The following PCSK1 variants were observed in gnomAD, a reference collection of about 807,000 sequenced individuals.
PCSK1 encodes the protein neuroendocrine convertase 1.
In PCSK1, 56 loss-of-function variants were observed where a neutral mutation model predicts 90.6. The observed-to-expected ratio is 0.62, with a 90% CI of 0.50 to 0.77. PCSK1 has a LOEUF of 0.77. Among genes scored for constraint, PCSK1 ranks in the 30% least tolerant of loss-of-function variants. The pLI, the probability that PCSK1 is intolerant of heterozygous loss-of-function variation, is 0.00. For synonymous variants in PCSK1, 348 were observed against 342.4 expected, an observed-to-expected ratio of 1.02 and a Z score of -0.18; for missense variants, 801 against 932.6, an observed-to-expected ratio of 0.86 and a Z score of 1.84.
chr5:96,399,863 T>A, intron 10 of PCSK1, 90 bp downstream of exon 10: 1 of 969,864 alleles, frequency 1.0e-6, no homozygotes, highest in Non-Finnish European at 1.6e-6. Flanking sequence ...TTCAGAAGGG[T>A]AGATACAAAA....
intron 5 of PCSK1, among the ~76,000 whole-genome samples, chr5:96,419,576 A>T (rs1761055590): frequency 6.6e-6 from 1 of 151,572 alleles, no homozygotes; most frequent in Admixed American, 6.6e-5. Context: ...TAAGTGGCAG[A>T]TCTAAAATTT....
At chr5:96,419,724 G>A (rs1047999827) in intron 5 of PCSK1, among the ~76,000 whole-genome samples, 6 of 151,838 alleles carry the variant, frequency 4.0e-5, no homozygotes. Context: ...CATTATATGG[G>A]CTGCTTCCCT....
Position 96,408,310 on chromosome 5 carries a change from A to T in PCSK1, c.1109T>A (p.Leu370Gln). ...YTDQRITSAD[L>Q]HNDCTETHTG... is the part of the protein sequence containing the mutation. ...GTGCGTCTCCGTGCAGTCATTGTGC[A>T]GGTCAGCGCTCGTCTGGATGACGTC... is the stretch of plus-strand genomic sequence containing the variant. Residue 370 changes from leucine (L) to glutamine (Q), a missense_variant, in exon 9 of 14, where the codon CTG becomes CAG. Transcript: ENST00000311106. 1 of 1,613,784 alleles carries T rather than the reference A, an allele frequency of 6.2e-7. No homozygotes were observed. Among genetic ancestry groups the T allele is most frequent in the Non-Finnish European group, 8.5e-7 (1 of 1,179,740 alleles).
At chr5:96,404,453 G>A (rs1175676668) in intron 9 of PCSK1, among the ~76,000 whole-genome samples, 1 of 152,174 alleles carries the variant, frequency 6.6e-6, no homozygotes, top group Non-Finnish European at 1.5e-5. Context: ...GGGAAGGAAA[G>A]TATTTCTTTG....
rs1011379880 is a variant in PCSK1 at position 96,390,335 on chromosome 5, T to C, written c.*2666A>G. ...CACAATAAAAGAGGGAGATCTTGTT[T>C]GTGGTGGAAACATGAGCTTTTTTTC... On this transcript the variant is annotated 3_prime_UTR_variant, in exon 14 of 14. Coordinates refer to ENST00000311106, the MANE Select transcript of PCSK1 (RefSeq NM_000439.5). 2 of 152,210 alleles carry C rather than the reference T, an allele frequency of 1.3e-5. No individual in the cohort carries two copies. Among genetic ancestry groups the C allele is most frequent in the Non-Finnish European group, 2.9e-5 (2 of 68,034 alleles). The allele number at this position is 152,210 out of a possible 1,614,324, so 9.4% of individuals were successfully genotyped here. A position where few individuals can be genotyped will look rare whatever the true frequency, so the allele number is the denominator to read the frequency against.
At chr5:96,405,384 A>G (rs1280978609) in intron 9 of PCSK1, among the ~76,000 whole-genome samples, 1 of 152,206 alleles carries the variant, frequency 6.6e-6, no homozygotes, top group African/African-American at 2.4e-5. Flanking sequence ...AAAGAGATTC[A>G]TGGACCCCTT....
chr5:96,432,581 C>T (rs1251929803), intron 1 of PCSK1, among the ~76,000 whole-genome samples: 2 of 152,196 alleles, frequency 1.3e-5, no homozygotes, highest in South Asian at 4.1e-4. Flanking sequence ...TCTTCCAAAC[C>T]GCGCGGGAAC....
At position 96,393,024 on chromosome 5, in the gene PCSK1, C is replaced by A; in HGVS notation, c.2239G>T (p.Asp747Tyr). The change falls in exon 14 of 14, where the codon GAC (aspartate) becomes TAC (tyrosine). Residue 747 changes from aspartate (D) to tyrosine (Y), a missense_variant. Coordinates refer to ENST00000311106, the MANE Select transcript of PCSK1 (RefSeq NM_000439.5). ...RDDRLLQALV[D>Y]ILNEEN ...TTTTAATTTTCCTCATTCAGAATGTCCACCAGAGCTTGAAGCAGCCGGTCG... is the reference window on the plus strand; with the variant it reads ...TTTTAATTTTCCTCATTCAGAATGTACACCAGAGCTTGAAGCAGCCGGTCG... 1.9e-6 allele frequency: 3 copies of A among 1,614,108 alleles called. No individual in the cohort carries two copies. Among genetic ancestry groups the A allele is most frequent in the Non-Finnish European group, 2.5e-6 (3 of 1,179,996 alleles).
chr5:96,415,988 C>T (rs1183746361), intron 6 of PCSK1, 45 bp downstream of exon 6: 4 of 1,201,226 alleles, frequency 3.3e-6, no homozygotes, highest in Non-Finnish European at 5.0e-6. Context: ...GTGATGTAAG[C>T]TTCACATTAA....
chr5:96,426,794 A>G (rs1172450545), intron 2 of PCSK1, among the ~76,000 whole-genome samples: 3 of 152,212 alleles, frequency 2.0e-5, no homozygotes, highest in African/African-American at 7.2e-5. Flanking sequence ...GAGAGTACTC[A>G]TGAATCAGCT....
intron 1 of PCSK1, among the ~76,000 whole-genome samples, chr5:96,429,886 A>T (rs1349320838): frequency 3.3e-5 from 5 of 152,178 alleles, no homozygotes; most frequent in Non-Finnish European, 5.9e-5. Context: ...TTTTACACAC[A>T]TTGGAGGAAA....
Position 96,408,390 on chromosome 5 carries a change from G to T in PCSK1, c.1096-67C>A, listed in dbSNP as rs1032118284. On this transcript the variant is annotated intron_variant, in intron 8 of 13. Transcript: ENST00000311106. Reference sequence around the variant, plus strand: ...TGAGGAGTGTGGGCCTGTCTTGGGGGTTAACTGTACCAAAGGCTGCATCTG... The same window carrying T: ...TGAGGAGTGTGGGCCTGTCTTGGGGTTTAACTGTACCAAAGGCTGCATCTG... 67 of 1,126,998 alleles carry T rather than the reference G, an allele frequency of 5.9e-5. 1 individual carries two copies. The highest frequency in any genetic ancestry group is 5.3e-6 in the Non-Finnish European group (4 of 748,910). The allele number at this position is 1,126,998 out of a possible 1,614,324, so 69.8% of individuals were successfully genotyped here.
Position 96,392,903 on chromosome 5 carries a change from C to T in PCSK1, c.*98G>A, listed in dbSNP as rs1460670800. 6.7e-6 allele frequency: 8 copies of T among 1,185,360 alleles called. No homozygotes were observed. The East Asian group carries it at 1.6e-4, about 24-fold the overall frequency. The allele number at this position is 1,185,360 out of a possible 1,614,324, so 73.4% of individuals were successfully genotyped here. A position where few individuals can be genotyped will look rare whatever the true frequency, so the allele number is the denominator to read the frequency against. ...AAGGTGCCACAAAGGATATTATAAG[C>T]ATAAGAATTCATGACAAAACAACCA... On this transcript the variant is annotated 3_prime_UTR_variant, in exon 14 of 14. Transcript: ENST00000311106.
chr5:96,424,685 C>G (rs562862839), intron 3 of PCSK1, among the ~76,000 whole-genome samples: 1 of 152,068 alleles, frequency 6.6e-6, no homozygotes, highest in Non-Finnish European at 1.5e-5. Flanking sequence ...GCAAGAGGCC[C>G]GGTGCGGTGG....
At chr5:96,414,137 T>TAA (rs564573961) in intron 6 of PCSK1, among the ~76,000 whole-genome samples, 23 of 124,728 alleles carry the variant, frequency 1.8e-4, no homozygotes, top group Non-Finnish European at 2.7e-4. Flanking sequence ...AGACTCTGTC[T>TAA]AAAAAAAAAA....
chr5:96,425,048 GAAA>G (rs1761257585), intron 3 of PCSK1, among the ~76,000 whole-genome samples: 3 of 123,974 alleles, frequency 2.4e-5, no homozygotes, highest in Admixed American at 8.7e-5. Context: ...AAGAAAGAAA[GAAA>G]GAAAGAAAGA....
chr5:96,430,056 G>A (rs2112451447), intron 1 of PCSK1, among the ~76,000 whole-genome samples: 1 of 152,296 alleles, frequency 6.6e-6, no homozygotes, highest in Admixed American at 6.5e-5. Context: ...GTTATAAAAT[G>A]TAGCCATTGA....
chr5:96,393,553 C>T (rs995817894), intron 13 of PCSK1, among the ~76,000 whole-genome samples, 175 bp from the exon 14 acceptor site: 1 of 152,130 alleles, frequency 6.6e-6, no homozygotes, highest in Admixed American at 6.5e-5. Context: ...CATTTGCCTA[C>T]CCTCTGGGGT....
At chr5:96,425,008 A>AAAGAAAAG (rs1554059749) in intron 3 of PCSK1, among the ~76,000 whole-genome samples, 1 of 117,478 alleles carries the variant, frequency 8.5e-6, no homozygotes, top group Non-Finnish European at 1.7e-5. Context: ...AGAAAGAAAG[A>AAAGAAAAG]AAAGAAAGAA....
Sources: allele counts gnomAD v4.1 joint callset (sites outside exome capture counted in the v4.1 genomes callset), GRCh38; gene constraint gnomAD v4.1.1; transcripts MANE v1.5; gene names NCBI Gene and HGNC (gene_info 2026-07-23, HGNC 2026-07-21).